The following LRRFIP2 variants were observed in gnomAD, a reference collection of about 807,000 sequenced individuals.
LRRFIP2 encodes the protein LRR binding FLII interacting protein 2, also known as leucine-rich repeat flightless-interacting protein 2.
In LRRFIP2, 109 loss-of-function variants were observed where a neutral mutation model predicts 125.9. The ratio of observed to expected loss-of-function variants is 0.87; its 90% CI spans 0.74 to 1.01. The LOEUF is 1.01. Among genes scored for constraint, LRRFIP2 ranks in the 50% least tolerant of loss-of-function variants. The pLI, the probability that LRRFIP2 is intolerant of heterozygous loss-of-function variation, is 0.00. For missense variants in LRRFIP2, 850 were observed against 862.3 expected (o/e 0.99, Z 0.18); for synonymous variants, 291 against 293.1 (o/e 0.99, Z 0.07).
chr3:37,171,738 T>C (rs1271390579), intron 1 of LRRFIP2, among the ~76,000 whole-genome samples: 2 of 152,250 alleles, frequency 1.3e-5, no homozygotes, highest in Admixed American at 6.5e-5. Context: ...GGTAGATTAT[T>C]TACTTCTTTC....
chr3:37,085,252 G>A (rs999911120), intron 18 of LRRFIP2, among the ~76,000 whole-genome samples: 1 of 152,180 alleles, frequency 6.6e-6, no homozygotes, highest in Non-Finnish European at 1.5e-5. Flanking sequence ...CCTCATGCCT[G>A]TAATCCTGGT....
chr3:37,058,945 A>T (rs1192089022), intron 24 of LRRFIP2, 35 bp from the exon 25 acceptor site: 2 of 1,611,630 alleles, frequency 1.2e-6, no homozygotes, highest in South Asian at 2.2e-5. Flanking sequence ...AGCAAGATCC[A>T]ATCTCTCAAA....
intron 18 of LRRFIP2, among the ~76,000 whole-genome samples, chr3:37,087,053 C>T (rs923855449): frequency 6.6e-6 from 1 of 151,934 alleles, no homozygotes; most frequent in Non-Finnish European, 1.5e-5. Context: ...AAGGTTTCAC[C>T]ATGTTGCCCG....
intron 2 of LRRFIP2, among the ~76,000 whole-genome samples, chr3:37,131,725 G>C (rs973421186): frequency 2.0e-5 from 3 of 152,186 alleles, no homozygotes; most frequent in African/African-American, 7.2e-5. Flanking sequence ...TATGCTAGGT[G>C]CTGAAAATAC....
chr3:37,100,361 CACAT>C (rs534762449), intron 15 of LRRFIP2, among the ~76,000 whole-genome samples: 10 of 145,036 alleles, frequency 6.9e-5, no homozygotes, highest in East Asian at 1.9e-4. Flanking sequence ...TATATATATA[CACAT>C]ACATACATAC....
intron 2 of LRRFIP2, among the ~76,000 whole-genome samples, chr3:37,146,966 T>C (rs1457066006): frequency 2.6e-5 from 4 of 152,022 alleles, no homozygotes; most frequent in African/African-American, 9.7e-5. Context: ...AATCTATCCA[T>C]TTGACAAAGG....
Position 37,115,072 on chromosome 3 carries a change from T to C in LRRFIP2, c.354A>G (p.Ser118=). ...SHRYDMFKDR[S]SRLSSLNHSY... ...TACATACTAATGATGAAAGTCTTGA[T>C]GATCTATCCTTGAACATATCATACT... The change falls in exon 7 of 28, where the codon TCA becomes TCG. Residue 118 remains serine, a synonymous_variant. Coordinates refer to ENST00000336686, the MANE Select transcript of LRRFIP2 (RefSeq NM_006309.4). 1 of 1,607,152 alleles carries C rather than the reference T, an allele frequency of 6.2e-7. No individual in the cohort carries two copies. Among genetic ancestry groups the C allele is most frequent in the Non-Finnish European group, 8.5e-7 (1 of 1,175,790 alleles).
intron 2 of LRRFIP2, among the ~76,000 whole-genome samples, chr3:37,139,770 T>C (rs9841715): frequency 0.042 from 6,388 of 152,248 alleles, 399 homozygotes; most frequent in African/African-American, 0.13. Flanking sequence ...CTCTTCATCA[T>C]AACTAGGTTC....
chr3:37,161,005 C>A (rs909773014), intron 1 of LRRFIP2, among the ~76,000 whole-genome samples: 3 of 151,778 alleles, frequency 2.0e-5, no homozygotes, highest in African/African-American at 4.8e-5. Context: ...AATGGATAAG[C>A]AAATGCGGCA....
intron 15 of LRRFIP2, among the ~76,000 whole-genome samples, chr3:37,101,951 T>C (rs909722163): frequency 6.6e-6 from 1 of 152,150 alleles, no homozygotes; most frequent in Non-Finnish European, 1.5e-5. Flanking sequence ...GAGCAATGGA[T>C]AGGCACACTT....
chr3:37,090,200 TA>T (rs1175743164), intron 18 of LRRFIP2, among the ~76,000 whole-genome samples: 1 of 150,680 alleles, frequency 6.6e-6, no homozygotes, highest in Admixed American at 6.7e-5. Flanking sequence ...TTTAGAGGTG[TA>T]GTGTGTATTT....
chr3:37,091,418 A>T (rs770528729), intron 18 of LRRFIP2, 49 bp downstream of exon 18: 1 of 1,482,182 alleles, frequency 6.7e-7, no homozygotes, highest in Admixed American at 2.1e-5. Flanking sequence ...ACCATTGCCA[A>T]CACTTCTGCA....
intron 17 of LRRFIP2, 109 bp from the exon 18 acceptor site, chr3:37,091,647 G>A: frequency 4.0e-6 from 3 of 742,738 alleles, no homozygotes; most frequent in Non-Finnish European, 6.5e-6. Flanking sequence ...CAGACTAAAA[G>A]CAGAGAAATC....
chr3:37,103,814 TTTCACGAGGATATAAA>T (rs1396310836), intron 14 of LRRFIP2, among the ~76,000 whole-genome samples: 1 of 152,214 alleles, frequency 6.6e-6, no homozygotes, highest in African/African-American at 2.4e-5. Flanking sequence ...TTTCCATCTC[TTTCACGAGGATATAAA>T]TTCCATAAAG....
chr3:37,115,407 C>G (rs2094734877), intron 6 of LRRFIP2, among the ~76,000 whole-genome samples: 1 of 152,054 alleles, frequency 6.6e-6, no homozygotes, highest in African/African-American at 2.4e-5. Context: ...CCTAAGGGAG[C>G]CTTTAAATAC....
chr3:37,065,508 T>C (rs974801430), intron 23 of LRRFIP2: 3 of 520,392 alleles, frequency 5.8e-6, no homozygotes, highest in Non-Finnish European at 1.1e-5. Context: ...AGCACAGGTA[T>C]ACTAGACTAT....
chr3:37,127,891 C>T (rs1399325511), intron 3 of LRRFIP2, among the ~76,000 whole-genome samples: 1 of 152,118 alleles, frequency 6.6e-6, no homozygotes, highest in African/African-American at 2.4e-5. Context: ...ATAGAACTTA[C>T]ATTTAATAAC....
In LRRFIP2 at chr3:37,148,667, T is replaced by C. The variant is rs143441895; in HGVS notation, c.90+227A>G. On this transcript the variant is annotated intron_variant, in intron 2 of 27. Coordinates refer to ENST00000336686, the MANE Select transcript of LRRFIP2 (RefSeq NM_006309.4). ...ATGCCCAAATTACAATTCTACTGTC[T>C]CAAATAAAATGTGTTGTTCAGAGAT... Among the ~76,000 whole-genome samples the C allele has an allele frequency of 2.0e-5, 3 of 152,354 alleles. No individual in the cohort carries two copies. The East Asian group carries it at 5.8e-4, about 29-fold the overall frequency.
At chr3:37,099,360 G>A (rs1339340657) in intron 15 of LRRFIP2, among the ~76,000 whole-genome samples, 1 of 152,152 alleles carries the variant, frequency 6.6e-6, no homozygotes, top group Non-Finnish European at 1.5e-5. Flanking sequence ...TGATGATCCA[G>A]AGTCTGCCAG....
Sources: allele counts gnomAD v4.1 joint callset (sites outside exome capture counted in the v4.1 genomes callset), GRCh38; gene constraint gnomAD v4.1.1; transcripts MANE v1.5; gene names NCBI Gene and HGNC (gene_info 2026-07-23, HGNC 2026-07-21).